Variants in HIPK3 observed in about 807,000 individuals in gnomAD.
The protein encoded by HIPK3 is homeodomain interacting protein kinase 3.
Under a neutral mutation model 124.2 loss-of-function variants are expected in HIPK3, and 47 were observed. The observed-to-expected ratio is 0.38, with a 90% CI of 0.30 to 0.48. The LOEUF (loss-of-function observed/expected upper bound fraction) is 0.48. Among genes scored for constraint, HIPK3 ranks in the 20% least tolerant of loss-of-function variants. The pLI is 0.98. For synonymous variants in HIPK3, 482 were observed against 515.2 expected, an observed-to-expected ratio of 0.94 and a Z score of 0.87; for missense variants, 1,286 against 1,454.3, an observed-to-expected ratio of 0.88 and a Z score of 1.88.
chr11:33,293,445 T>C (rs1851754338), intron 2 of HIPK3, among the ~76,000 whole-genome samples: 1 of 152,112 alleles, frequency 6.6e-6, no homozygotes, highest in African/African-American at 2.4e-5. Flanking sequence ...CCCCCAGCCC[T>C]AAGCAACCAC....
upstream of HIPK3, chr11:33,257,258 G>C (rs1164291193): frequency 2.0e-6 from 2 of 983,466 alleles, no homozygotes; most frequent in Non-Finnish European, 2.4e-6. Flanking sequence ...CGGAGGCGCC[G>C]CGGCCGGAGC....
intron 3 of HIPK3, among the ~76,000 whole-genome samples, chr11:33,332,696 A>G (rs1220472265): frequency 6.6e-6 from 1 of 152,186 alleles, no homozygotes; most frequent in Non-Finnish European, 1.5e-5. Flanking sequence ...CAAGATTTCT[A>G]TTTTTGTCAG....
chr11:33,337,101 T>A lies in HIPK3; in HGVS notation c.1248T>A (p.Gly416=). The change falls in exon 4 of 17, where the codon GGT becomes GGA. Residue 416 remains glycine (G), a synonymous_variant. Coordinates refer to ENST00000303296, the MANE Select transcript of HIPK3 (RefSeq NM_005734.5). ...DQIRYISQTQ[G]LPGEQLLNVG... The stretch of plus-strand genomic sequence containing the variant: ...TTCGATACATTTCTCAGACTCAAGG[T>A]TTGCCAGGAGAACAGTTGTTAAATG... 1 of 1,602,312 alleles carries A rather than the reference T, an allele frequency of 6.2e-7. No individual in the cohort carries two copies. The highest frequency in any genetic ancestry group is 1.1e-5 in the South Asian group (1 of 89,588).
At chr11:33,343,251 G>C (rs1377982019) in intron 8 of HIPK3, among the ~76,000 whole-genome samples, 1 of 73,346 alleles carries the variant, frequency 1.4e-5, no homozygotes, top group African/African-American at 3.9e-5. Flanking sequence ...TTGATTTTGT[G>C]TGTGTGTGTG....
intron 14 of HIPK3, among the ~76,000 whole-genome samples, chr11:33,350,001 G>C (rs930941291): frequency 6.6e-6 from 1 of 151,958 alleles, no homozygotes; most frequent in African/African-American, 2.4e-5. Context: ...CTTACCTCAG[G>C]TGATCTGCCT....
At chr11:33,274,651 T>C (rs1472946981) in intron 1 of HIPK3, among the ~76,000 whole-genome samples, 1 of 152,228 alleles carries the variant, frequency 6.6e-6, no homozygotes, top group East Asian at 1.9e-4. Context: ...ATTTCTGATT[T>C]TTTATTTTAT....
chr11:33,293,959 G>C (rs1440987714), intron 2 of HIPK3, among the ~76,000 whole-genome samples: 1 of 152,110 alleles, frequency 6.6e-6, no homozygotes, highest in Non-Finnish European at 1.5e-5. Context: ...CTGAGGTCAG[G>C]AGTTCGAGTC....
rs1350517355 is a variant in HIPK3 at position 33,347,960 on chromosome 11, T to A, written c.2253T>A (p.His751Gln). The A allele has an allele frequency of 6.2e-7, 1 of 1,614,152 alleles. No individual in the cohort carries two copies. The highest frequency in any genetic ancestry group is 1.1e-5 in the South Asian group (1 of 91,076). Reference protein sequence around the residue: ...APQPVSVGIAHVVWPQPATTK... With the variant: ...APQPVSVGIAQVVWPQPATTK... ...AGCCAGTTAGTGTGGGGATTGCACA[T>A]GTTGTCTGGCCTCAGCCTGCCACTA... Residue 751 changes from histidine (H) to glutamine (Q), a missense_variant, in exon 11 of 17, where the codon CAT becomes CAA. Around this residue, in one of 3 missense-constraint regions of HIPK3, gnomAD observed 810 missense variants for 864.9 expected, o/e 0.94. Coordinates refer to ENST00000303296, the MANE Select transcript of HIPK3 (RefSeq NM_005734.5).
chr11:33,304,562 A>C (rs1051699497), intron 2 of HIPK3, among the ~76,000 whole-genome samples: 2 of 152,186 alleles, frequency 1.3e-5, no homozygotes, highest in African/African-American at 2.4e-5. Context: ...CATTTCAAAA[A>C]AAAAAAAAGA....
At position 33,348,515 on chromosome 11, in the gene HIPK3, G is replaced by A; in HGVS notation, c.2370-7G>A. ...ATAGAAATTATAAATTATTCCTTTG[G>A]TTGCAGGAGTAATTCATTACAGAAT... On this transcript the variant is annotated splice_polypyrimidine_tract_variant and splice_region_variant and intron_variant, in intron 12 of 16. Coordinates refer to ENST00000303296, the MANE Select transcript of HIPK3 (RefSeq NM_005734.5). The A allele has an allele frequency of 1.3e-6, 2 of 1,583,116 alleles. No individual in the cohort carries two copies. The highest frequency in any genetic ancestry group is 3.4e-5 in the Admixed American group (2 of 58,580).
intron 15 of HIPK3, 72 bp from the exon 16 acceptor site, chr11:33,352,066 T>C: frequency 2.8e-6 from 4 of 1,436,200 alleles, no homozygotes; most frequent in South Asian, 2.4e-5. Flanking sequence ...GTGTAAAATA[T>C]CTAAAGACTT....
intron 3 of HIPK3, among the ~76,000 whole-genome samples, chr11:33,331,610 C>T (rs762970091): frequency 2.0e-5 from 3 of 152,162 alleles, no homozygotes; most frequent in South Asian, 2.1e-4. Context: ...AAGTCCTGGG[C>T]TTAAGCCATC....
intron 1 of HIPK3, among the ~76,000 whole-genome samples, chr11:33,272,259 C>T (rs1195464717): frequency 1.3e-5 from 2 of 152,130 alleles, no homozygotes; most frequent in Admixed American, 6.5e-5. Flanking sequence ...ATTAGCTGGG[C>T]GTGGTGGCAG....
chr11:33,325,605 A>G (rs1414352561), intron 2 of HIPK3, among the ~76,000 whole-genome samples: 1 of 152,082 alleles, frequency 6.6e-6, no homozygotes, highest in East Asian at 1.9e-4. Flanking sequence ...AGACTTCTGT[A>G]TTTGAAGGCC....
upstream of HIPK3, chr11:33,257,343 C>A: frequency 1.0e-6 from 1 of 984,406 alleles, no homozygotes; most frequent in Non-Finnish European, 1.2e-6. Context: ...TGGCCGAGGC[C>A]GACGAGCGCG....
intron 2 of HIPK3, among the ~76,000 whole-genome samples, chr11:33,293,775 A>G (rs1483277359): frequency 6.6e-6 from 1 of 152,164 alleles, no homozygotes; most frequent in Non-Finnish European, 1.5e-5. Context: ...CTAAAATGTA[A>G]AGTGTGGTGC....
chr11:33,295,090 G>A (rs948580031), intron 2 of HIPK3, among the ~76,000 whole-genome samples: 2 of 152,036 alleles, frequency 1.3e-5, no homozygotes, highest in African/African-American at 4.8e-5. Flanking sequence ...CCCTCACCGG[G>A]TACCACCTGA....
chr11:33,287,584 T>TTTGTGTGAAATAC, intron 2 of HIPK3, 73 bp downstream of exon 2: 1 of 1,493,350 alleles, frequency 6.7e-7, no homozygotes, highest in South Asian at 1.3e-5. Context: ...CTTTTGTGTG[T>TTTGTGTGAAATAC]GTTTGTGGTA....
At chr11:33,336,971 G>C in intron 3 of HIPK3, 104 bp from the exon 4 acceptor site, 1 of 724,852 alleles carries the variant, frequency 1.4e-6, no homozygotes, top group Non-Finnish European at 2.3e-6. Context: ...TGAGGGCATA[G>C]ACTATGTATT....
Sources: allele counts gnomAD v4.1 joint callset (sites outside exome capture counted in the v4.1 genomes callset), GRCh38; gene constraint gnomAD v4.1.1; regional missense constraint gnomAD v4.1.1; transcripts MANE v1.5; gene names NCBI Gene and HGNC (gene_info 2026-07-23, HGNC 2026-07-21).